PDC: variants seen among roughly 807,000 people sequenced by gnomAD.
PDC encodes the protein 33 kDa phototransducing protein.
PDC carries 19 observed loss-of-function variants against 22.2 expected under a neutral mutation model. The observed-to-expected ratio is 0.86, with a 90% CI of 0.60 to 1.26. The LOEUF is 1.26. Among genes scored for constraint, PDC ranks in the 50% most tolerant of loss-of-function variants. PDC has a pLI of 0.00. For synonymous variants in PDC, 97 were observed against 96.2 expected, an observed-to-expected ratio of 1.01 and a Z score of -0.05; for missense variants, 274 against 286.8, an observed-to-expected ratio of 0.96 and a Z score of 0.32.
chr1:186,453,033 C>T (rs1229760895), intron 1 of PDC, among the ~76,000 whole-genome samples: 2 of 152,104 alleles, frequency 1.3e-5, no homozygotes, highest in African/African-American at 2.4e-5. Flanking sequence ...AATTTTATCA[C>T]CCTCTTCGAA....
At chr1:186,445,276 G>C (rs1662200137) in intron 3 of PDC, among the ~76,000 whole-genome samples, 1 of 152,130 alleles carries the variant, frequency 6.6e-6, no homozygotes, top group Non-Finnish European at 1.5e-5. Context: ...GGAGAATTGA[G>C]AACACGTGAA....
intron 1 of PDC, 145 bp from the exon 2 acceptor site, chr1:186,449,628 G>A: frequency 2.2e-6 from 1 of 448,142 alleles, no homozygotes; most frequent in Non-Finnish European, 4.0e-6. Flanking sequence ...TCACTCAGTG[G>A]TAAAGTAAGT....
At position 186,445,940 on chromosome 1, in the gene PDC, A is replaced by G. The variant is rs552766540; in HGVS notation, c.213+486T>C. Among the ~76,000 whole-genome samples the G allele has an allele frequency of 2.6e-5, 4 of 152,308 alleles. No individual in the cohort carries two copies. The South Asian group carries it at 8.3e-4, about 32-fold the overall frequency. ...CCACACAAATTTGACTTGAAGATGT[A>G]TTTGAGCATTTATATGAAAACTTGT... On this transcript the variant is annotated intron_variant, in intron 3 of 3. Coordinates refer to ENST00000391997, the MANE Select transcript of PDC (RefSeq NM_002597.5).
Position 186,444,422 on chromosome 1 carries a change from C to T in PDC, c.298G>A (p.Asp100Asn). 2 of 1,613,538 alleles carry T rather than the reference C, an allele frequency of 1.2e-6. No individual in the cohort carries two copies. Among genetic ancestry groups the T allele is most frequent in the Non-Finnish European group, 1.7e-6 (2 of 1,179,478 alleles). The change falls in exon 4 of 4, where the codon GAT becomes AAT. Residue 100 changes from aspartate (D) to asparagine (N), a missense_variant. Physicochemically the swap from Asp to Asn is conservative, Grantham distance 23 (BLOSUM62 1). Transcript: ENST00000391997. ...CCAAAACTCAGCTTCTGGTGCATAT[C>T]CTGCATACACTGTCTACGGTATTTA... The part of the protein sequence containing the change: ...LRKYRRQCMQ[D>N]MHQKLSFGPR...
chr1:186,449,563 T>C (rs1662307672), intron 1 of PDC, 80 bp from the exon 2 acceptor site: 1 of 639,578 alleles, frequency 1.6e-6, no homozygotes, highest in African/African-American at 1.8e-5. Context: ...AATATATAGG[T>C]ACATGCATAT....
At chr1:186,457,409 C>A (rs145511411) in intron 1 of PDC, among the ~76,000 whole-genome samples, 17 of 152,142 alleles carry the variant, frequency 1.1e-4, no homozygotes, top group African/African-American at 3.6e-4. Context: ...CAATTAATTT[C>A]TTGAATTAAT....
chr1:186,456,255 A>G (rs1237527705), intron 1 of PDC, among the ~76,000 whole-genome samples: 1 of 151,968 alleles, frequency 6.6e-6, no homozygotes, highest in African/African-American at 2.4e-5. Flanking sequence ...TAGAACATCT[A>G]AAAAATATAT....
At chr1:186,454,429 C>T (rs573687368) in intron 1 of PDC, among the ~76,000 whole-genome samples, 2 of 151,650 alleles carry the variant, frequency 1.3e-5, no homozygotes, top group African/African-American at 2.4e-5. Context: ...CACCCTCAGC[C>T]TCCCAAAGTG....
intron 2 of PDC, among the ~76,000 whole-genome samples, chr1:186,449,140 G>T (rs1662295597): frequency 6.6e-6 from 1 of 151,970 alleles, no homozygotes; most frequent in African/African-American, 2.4e-5. Flanking sequence ...GTAGATAAGA[G>T]GTCTTGTGAT....
At chr1:186,453,290 C>T (rs1471975215) in intron 1 of PDC, among the ~76,000 whole-genome samples, 3 of 151,864 alleles carry the variant, frequency 2.0e-5, no homozygotes, top group Non-Finnish European at 4.4e-5. Flanking sequence ...TTTATGATAG[C>T]GATGATCTGG....
intron 3 of PDC, among the ~76,000 whole-genome samples, chr1:186,445,951 T>G (rs188465028): frequency 6.6e-6 from 1 of 152,348 alleles, no homozygotes; most frequent in African/African-American, 2.4e-5. Flanking sequence ...TTTGAGCATT[T>G]ATATGAAAAC....
chr1:186,458,226 C>CTTT (rs1157926478), intron 1 of PDC, among the ~76,000 whole-genome samples: 10,384 of 87,932 alleles, frequency 0.12, 1,077 homozygotes, highest in African/African-American at 0.12. Flanking sequence ...TACAGATATT[C>CTTT]TTTTTTTTTT....
rs1017745219 is a variant in PDC at position 186,443,892 on chromosome 1, T to C, written c.*87A>G. On this transcript the variant is annotated 3_prime_UTR_variant, in exon 4 of 4. Transcript: ENST00000391997. Reference sequence around the variant, plus strand: ...CAAGTTAGCATAGCCGTGCCCATACTCTGTGTTCACTAAAGCAATATAGAT... The same window carrying C: ...CAAGTTAGCATAGCCGTGCCCATACCCTGTGTTCACTAAAGCAATATAGAT... The C allele has an allele frequency of 3.2e-6, 3 of 941,508 alleles. No individual in the cohort carries two copies. The highest frequency in any genetic ancestry group is 4.9e-6 in the Non-Finnish European group (3 of 608,594). 58.3% of individuals were successfully genotyped at this position (941,508 alleles called of 1,614,324 possible).
chr1:186,446,650 G>C, intron 2 of PDC, 73 bp from the exon 3 acceptor site: 1 of 878,744 alleles, frequency 1.1e-6, no homozygotes, highest in South Asian at 2.0e-5. Context: ...TGAAATTTGT[G>C]TAAGTATTGT....
intron 1 of PDC, among the ~76,000 whole-genome samples, chr1:186,456,395 G>A (rs917606661): frequency 2.0e-4 from 30 of 152,150 alleles, no homozygotes; most frequent in Admixed American, 1.4e-3. Context: ...TGAGGTTCAA[G>A]TAAATGTATC....
rs117176421 is a variant in PDC, at chr1:186,448,351, A to T, written c.61+1048T>A. 4.1e-3 allele frequency among the ~76,000 whole-genome samples: 628 copies of T among 152,086 alleles called. 15 individuals carry two copies. The East Asian group carries it at 0.042, about 10-fold the overall frequency. Reference sequence around the variant, plus strand: ...CTTTTTTCTGTTTCTTTTTTTCCCCATGAATAGTCTGTCCTATCTTTTGCT... The same window carrying T: ...CTTTTTTCTGTTTCTTTTTTTCCCCTTGAATAGTCTGTCCTATCTTTTGCT... On this transcript the variant is annotated intron_variant, in intron 2 of 3. Transcript: ENST00000391997.
intron 1 of PDC, among the ~76,000 whole-genome samples, chr1:186,450,793 C>G (rs1418802392): frequency 1.3e-5 from 2 of 152,150 alleles, no homozygotes; most frequent in Non-Finnish European, 2.9e-5. Context: ...TTTGGACTAT[C>G]CAGAAAACTC....
intron 1 of PDC, chr1:186,451,766 T>C (rs996866107): frequency 6.6e-6 from 1 of 152,212 alleles, no homozygotes; most frequent in Non-Finnish European, 1.5e-5. Flanking sequence ...GAAAAGATAA[T>C]CCAGTTACTT....
chr1:186,444,196 G>A lies in PDC; in HGVS notation c.524C>T (p.Thr175Ile). The A allele has an allele frequency of 6.2e-7, 1 of 1,613,842 alleles. No homozygotes were observed. The highest frequency in any genetic ancestry group is 8.5e-7 in the Non-Finnish European group (1 of 1,179,768). ...TAAGGAAAAGCGGTCCCCAGCACCT[G>A]TATTCGAAGCTTTTATTTTACAAAA... ...VKFCKIKASNTGAGDRFSLDV... is the reference protein window; with the variant it reads ...VKFCKIKASNIGAGDRFSLDV... Residue 175 changes from threonine to isoleucine, a missense_variant, in exon 4 of 4, where the codon ACA (threonine) becomes ATA (isoleucine). Physicochemically the swap from Thr to Ile is moderately conservative, Grantham distance 89 (BLOSUM62 -1). Transcript: ENST00000391997.
Sources: allele counts gnomAD v4.1 joint callset (sites outside exome capture counted in the v4.1 genomes callset), GRCh38; gene constraint gnomAD v4.1.1; transcripts MANE v1.5; gene names NCBI Gene and HGNC (gene_info 2026-07-23, HGNC 2026-07-21).